Variants in DCDC1 observed in about 807,000 individuals in gnomAD.
DCDC1 encodes doublecortin domain containing 1, also known as doublecortin domain-containing protein 1.
In DCDC1, 200 loss-of-function variants were observed where a neutral mutation model predicts 178.3. The ratio of observed to expected loss-of-function variants is 1.12; its 90% CI spans 1.00 to 1.26. The LOEUF (loss-of-function observed/expected upper bound fraction) is 1.26. Ranked by LOEUF, DCDC1 falls within the 50% of genes most tolerant of loss-of-function variation. DCDC1 has a pLI of 0.00. For missense variants in DCDC1, 1,983 were observed against 1,749.2 expected (o/e 1.13, Z -2.38); for synonymous variants, 690 against 604.8 (o/e 1.14, Z -2.07).
At chr11:31,200,383 T>C (rs1054067286) in intron 9 of DCDC1, among the ~76,000 whole-genome samples, 1 of 152,018 alleles carries the variant, frequency 6.6e-6, no homozygotes, top group Admixed American at 6.6e-5. Context: ...CATTAATGTG[T>C]GACAAGAATT....
chr11:30,973,366 A>G (rs533567614), intron 20 of DCDC1, among the ~76,000 whole-genome samples: 1 of 151,536 alleles, frequency 6.6e-6, no homozygotes, highest in African/African-American at 2.4e-5. Flanking sequence ...GTCTTCCACT[A>G]TGACTGTAAG....
At chr11:30,984,402 C>T (rs1035940497) in intron 20 of DCDC1, among the ~76,000 whole-genome samples, 1 of 152,126 alleles carries the variant, frequency 6.6e-6, no homozygotes, top group Admixed American at 6.6e-5. Flanking sequence ...ACAGGTTTTT[C>T]TCTCACAAAA....
intron 8 of DCDC1, among the ~76,000 whole-genome samples, chr11:31,243,369 A>AAG (rs1452250162): frequency 2.0e-5 from 3 of 151,768 alleles, no homozygotes; most frequent in Non-Finnish European, 4.4e-5. Flanking sequence ...TGAACCTGGC[A>AAG]TACTTTTTGA....
At chr11:30,893,317 C>T (rs889036867) in intron 35 of DCDC1, among the ~76,000 whole-genome samples, 7 of 152,140 alleles carry the variant, frequency 4.6e-5, no homozygotes, top group African/African-American at 1.4e-4. Flanking sequence ...TGATGTTTCT[C>T]CTACTGAGAG....
chr11:31,310,308 ATTTTTTTTTTTTTTT>A (rs11407483), intron 3 of DCDC1, among the ~76,000 whole-genome samples: 2 of 53,864 alleles, frequency 3.7e-5, no homozygotes, highest in Non-Finnish European at 6.3e-5. Context: ...GTAATTCTTG[ATTTTTTTTTTTTTTT>A]TTTTTTTTTT....
chr11:31,365,237 A>G (rs1187471463), intron 1 of DCDC1, among the ~76,000 whole-genome samples: 2 of 152,176 alleles, frequency 1.3e-5, no homozygotes, highest in African/African-American at 4.8e-5. Context: ...GGCTGTATAT[A>G]TATCATTGAC....
In DCDC1 at chr11:30,905,016, T is replaced by C. The variant is rs893689293; in HGVS notation, c.4253A>G (p.Lys1418Arg). Reference sequence around the variant, plus strand: ...CCCATTACGATACCCATCCCCATTTTTGTATGCAATTATTTTCACTGCCTT... The same window carrying C: ...CCCATTACGATACCCATCCCCATTTCTGTATGCAATTATTTTCACTGCCTT... ...HQKAVKIIAYKNGDGYRNGKL... is the reference protein window; with the variant it reads ...HQKAVKIIAYRNGDGYRNGKL... Residue 1418 changes from lysine to arginine, a missense_variant, in exon 31 of 39, where the codon AAA becomes AGA. Physicochemically the swap from Lys to Arg is conservative, Grantham distance 26. Coordinates refer to ENST00000684477, the MANE Select transcript of DCDC1 (RefSeq NM_001387274.1). 2.5e-6 allele frequency: 4 copies of C among 1,613,768 alleles called. No homozygotes were observed. Among genetic ancestry groups the C allele is most frequent in the Non-Finnish European group, 3.4e-6 (4 of 1,179,790 alleles).
chr11:31,229,018 C>T (rs996554488), intron 9 of DCDC1, among the ~76,000 whole-genome samples: 1 of 151,950 alleles, frequency 6.6e-6, no homozygotes, highest in Non-Finnish European at 1.5e-5. Flanking sequence ...CAGACCTGTA[C>T]ATATACCCTG....
intron 13 of DCDC1, among the ~76,000 whole-genome samples, chr11:31,104,786 G>A (rs1482091859): frequency 1.3e-5 from 2 of 152,046 alleles, no homozygotes; most frequent in Admixed American, 6.6e-5. Context: ...GAGGGAGAGA[G>A]AGATGGGAGA....
At chr11:30,968,342 G>A (rs763116212) in intron 20 of DCDC1, among the ~76,000 whole-genome samples, 12 of 152,052 alleles carry the variant, frequency 7.9e-5, no homozygotes, top group Non-Finnish European at 1.6e-4. Flanking sequence ...CTCAATGAAT[G>A]AATAAGTTAA....
intron 21 of DCDC1, among the ~76,000 whole-genome samples, chr11:30,941,124 C>T (rs1947614288): frequency 6.6e-6 from 1 of 152,090 alleles, no homozygotes; most frequent in Admixed American, 6.6e-5. Context: ...ATATCAAGGA[C>T]CCAACTACTT....
At chr11:31,222,509 T>A (rs1020859197) in intron 9 of DCDC1, among the ~76,000 whole-genome samples, 1 of 152,244 alleles carries the variant, frequency 6.6e-6, no homozygotes, top group African/African-American at 2.4e-5. Flanking sequence ...TGTCTAGGTA[T>A]TTGTTACAGC....
At chr11:31,093,297 T>G (rs908023780) in intron 16 of DCDC1, among the ~76,000 whole-genome samples, 1 of 152,238 alleles carries the variant, frequency 6.6e-6, no homozygotes, top group Non-Finnish European at 1.5e-5. Context: ...AAATTTCATT[T>G]GCGAAAATAG....
intron 20 of DCDC1, among the ~76,000 whole-genome samples, chr11:31,021,615 T>C (rs757757405): frequency 2.6e-5 from 4 of 152,178 alleles, no homozygotes; most frequent in Non-Finnish European, 5.9e-5. Flanking sequence ...GAAGTGGGAA[T>C]GACCTGACAG....
intron 3 of DCDC1, among the ~76,000 whole-genome samples, chr11:31,326,405 A>G (rs984300891): frequency 3.3e-5 from 5 of 152,218 alleles, no homozygotes; most frequent in Non-Finnish European, 5.9e-5. Context: ...ATGCACAAAA[A>G]TAGTTAGAAT....
At chr11:30,920,135 T>C (rs1203071996) in intron 25 of DCDC1, among the ~76,000 whole-genome samples, 1 of 152,178 alleles carries the variant, frequency 6.6e-6, no homozygotes, top group African/African-American at 2.4e-5. Flanking sequence ...CAGCTTGTCG[T>C]TGCTGAGCTG....
At chr11:31,257,420 T>G (rs541714859) in intron 8 of DCDC1, among the ~76,000 whole-genome samples, 140 of 152,174 alleles carry the variant, frequency 9.2e-4, no homozygotes, top group African/African-American at 3.3e-3. Flanking sequence ...GGTGATAGAT[T>G]TTTTTTAACA....
At chr11:31,125,879 C>T (rs761842761) in intron 11 of DCDC1, among the ~76,000 whole-genome samples, 10 of 151,658 alleles carry the variant, frequency 6.6e-5, no homozygotes, top group East Asian at 1.9e-4. Context: ...CTATGGCACA[C>T]GTTTACAAAC....
chr11:30,962,345 G>T (rs1307093323), intron 20 of DCDC1, among the ~76,000 whole-genome samples: 1 of 151,560 alleles, frequency 6.6e-6, no homozygotes, highest in Non-Finnish European at 1.5e-5. Flanking sequence ...ACATTATTTT[G>T]ATAACTAGCA....
Sources: allele counts gnomAD v4.1 joint callset (sites outside exome capture counted in the v4.1 genomes callset), GRCh38; gene constraint gnomAD v4.1.1; transcripts MANE v1.5; gene names NCBI Gene and HGNC (gene_info 2026-07-23, HGNC 2026-07-21).